Variants in ZNF778 observed in about 807,000 individuals in gnomAD.
ZNF778 encodes zinc finger protein 778.
A neutral mutation model predicts 23.9 loss-of-function variants in ZNF778; 37 were observed. The ratio of observed to expected loss-of-function variants is 1.54; its 90% CI spans 1.19 to 2.03. The LOEUF (loss-of-function observed/expected upper bound fraction) is 2.03, where lower values mean the gene tolerates loss of function less well. Among genes scored for constraint, ZNF778 ranks in the 30% most tolerant of loss-of-function variants. ZNF778 has a pLI of 0.00. For missense variants in ZNF778, 1,297 were observed against 934.4 expected (o/e 1.39, Z -5.06); for synonymous variants, 483 against 343.9 (o/e 1.40, Z -4.48).
rs2031990346 is a variant in ZNF778, at chr16:89,232,736, T to C, written c.*4174T>C. ...CAGGCTAGATCATTCCTAAAGATGG[T>C]AAACAACTTGCTGGAAACATGCACT... On this transcript the variant is annotated 3_prime_UTR_variant, in exon 7 of 7. Transcript: ENST00000433976. The C allele has an allele frequency of 3.9e-6, 5 of 1,282,348 alleles. No homozygotes were observed. Among genetic ancestry groups the C allele is most frequent in the Admixed American group, 4.6e-5 (2 of 43,450 alleles). The allele number at this position is 1,282,348 out of a possible 1,614,324, so 79.4% of individuals were successfully genotyped here. A position where few individuals can be genotyped will look rare whatever the true frequency, so the allele number is the denominator to read the frequency against.
At chr16:89,224,239 C>T (rs1181622412) in intron 4 of ZNF778, among the ~76,000 whole-genome samples, 2 of 151,888 alleles carry the variant, frequency 1.3e-5, no homozygotes, top group Non-Finnish European at 2.9e-5. Context: ...GTAATCCCAG[C>T]ACTCTGGGAT....
chr16:89,225,680 T>A, intron 6 of ZNF778, 49 bp downstream of exon 6: 1 of 1,516,448 alleles, frequency 6.6e-7, no homozygotes. Context: ...CATAAAAGAT[T>A]GGGAATTCCA....
At position 89,233,951 on chromosome 16, in the gene ZNF778, TG is replaced by T; in HGVS notation, c.*5391del. On this transcript the variant is annotated 3_prime_UTR_variant, in exon 7 of 7. Coordinates refer to ENST00000433976, the MANE Select transcript of ZNF778 (RefSeq NM_001201407.2). ...ACATGCTGTATGCCCTTGGGCCTGC[TG>T]GAAGTATGCAGACTAGCCAGCCCCA... 1.3e-5 allele frequency: 17 copies of T among 1,282,262 alleles called. No individual in the cohort carries two copies. Among genetic ancestry groups the T allele is most frequent in the Non-Finnish European group, 1.6e-5 (16 of 982,382 alleles). The allele number at this position is 1,282,262 out of a possible 1,614,324, so 79.4% of individuals were successfully genotyped here. A position where few individuals can be genotyped will look rare whatever the true frequency, so the allele number is the denominator to read the frequency against.
At position 89,227,841 on chromosome 16, in the gene ZNF778, C is replaced by T; in HGVS notation, c.1553C>T (p.Ser518Leu). 1 of 1,614,022 alleles carries T rather than the reference C, an allele frequency of 6.2e-7. No homozygotes were observed. The highest frequency in any genetic ancestry group is 8.5e-7 in the Non-Finnish European group (1 of 1,179,982). The stretch of plus-strand genomic sequence containing the variant: ...TGTGGCAAAGCCTTCACAGGGCGCT[C>T]AGGCCTCACTAAACACATGCGGACA... ...KQCGKAFTGR[S>L]GLTKHMRTHT... The change falls in exon 7 of 7, where the codon TCA becomes TTA. Residue 518 changes from serine (S) to leucine (L), a missense_variant. Coordinates refer to ENST00000433976, the MANE Select transcript of ZNF778 (RefSeq NM_001201407.2).
At position 89,232,089 on chromosome 16, in the gene ZNF778, T is replaced by C. The variant is rs1410065902; in HGVS notation, c.*3527T>C. 1.3e-5 allele frequency: 2 copies of C among 157,934 alleles called. No homozygotes were observed. The highest frequency in any genetic ancestry group is 4.8e-5 in the African/African-American group (2 of 41,446). The allele number at this position is 157,934 out of a possible 1,614,324, so 9.8% of individuals were successfully genotyped here. On this transcript the variant is annotated 3_prime_UTR_variant, in exon 7 of 7. Transcript: ENST00000433976. ...CCTCATCAAGTCTCATGTTGAGCTT[T>C]GACCCTCAGTGTGGCAGTGCTGGGA...
rs894888448 is a variant in ZNF778 at position 89,229,467 on chromosome 16, G to A, written c.*905G>A. 1.0e-6 allele frequency: 1 copy of A among 980,404 alleles called. No individual in the cohort carries two copies. The highest frequency in any genetic ancestry group is 1.2e-6 in the Non-Finnish European group (1 of 827,988). The allele number at this position is 980,404 out of a possible 1,614,324, so 60.7% of individuals were successfully genotyped here. On this transcript the variant is annotated 3_prime_UTR_variant, in exon 7 of 7. Transcript: ENST00000433976. ...TGAGGATGCAGATGTGATTCTGTGT[G>A]AGCAGCGTAGGCTCTGGTTGGTTAG...
chr16:89,220,024 A>G (rs542732152), intron 1 of ZNF778, among the ~76,000 whole-genome samples: 6 of 152,338 alleles, frequency 3.9e-5, no homozygotes, highest in African/African-American at 1.4e-4. Context: ...ACTGTATCCA[A>G]CCAGCCTCAT....
chr16:89,236,168 C>G lies in ZNF778; in HGVS notation c.*7606C>G, dbSNP rs2032231205. ...CTCCAGCCTGGGCAACAGAGCGAGA[C>G]TCTGTCTCAAAAAAGAAGAAAGAAA... On this transcript the variant is annotated 3_prime_UTR_variant, in exon 7 of 7. Transcript: ENST00000433976. 6.6e-6 allele frequency: 1 copy of G among 152,170 alleles called. No individual in the cohort carries two copies. The highest frequency in any genetic ancestry group is 1.5e-5 in the Non-Finnish European group (1 of 68,168). The allele number at this position is 152,170 out of a possible 1,614,324, so 9.4% of individuals were successfully genotyped here. A position where few individuals can be genotyped will look rare whatever the true frequency, so the allele number is the denominator to read the frequency against.
chr16:89,228,344 T>C lies in ZNF778; in HGVS notation c.2056T>C (p.Ser686Pro). Residue 686 changes from serine to proline, a missense_variant, in exon 7 of 7, where the codon TCT becomes CCT. Coordinates refer to ENST00000433976, the MANE Select transcript of ZNF778 (RefSeq NM_001201407.2). The stretch of plus-strand genomic sequence containing the variant: ...GTGTGGGAAAGCCTTCCGTGCCTCC[T>C]CTCACCTGCATAAACATGGAAGAAT... Reference protein sequence around the residue: ...NECGKAFRASSHLHKHGRIHT... With the variant: ...NECGKAFRASPHLHKHGRIHT... 1 of 1,613,712 alleles carries C rather than the reference T, an allele frequency of 6.2e-7. No individual in the cohort carries two copies. The highest frequency in any genetic ancestry group is 8.5e-7 in the Non-Finnish European group (1 of 1,179,726).
At chr16:89,225,484 C>A in intron 5 of ZNF778, 71 bp from the exon 6 acceptor site, 3 of 1,199,632 alleles carry the variant, frequency 2.5e-6, no homozygotes, top group Non-Finnish European at 3.5e-6. Flanking sequence ...GTTTTTTTTT[C>A]TGCCATGTCT....
rs2032205243 is a variant in ZNF778 at position 89,235,310 on chromosome 16, ACT to A, written c.*6749_*6750del. On this transcript the variant is annotated 3_prime_UTR_variant, in exon 7 of 7. Coordinates refer to ENST00000433976, the MANE Select transcript of ZNF778 (RefSeq NM_001201407.2). ...ACGAGTGGGAAACAGGTGTCCTAAC[ACT>A]GTGAGAGAAAAAATCCGAAAGTTTA... is the stretch of plus-strand genomic sequence containing the variant. 1 of 152,148 alleles carries A rather than the reference ACT, an allele frequency of 6.6e-6. No individual in the cohort carries two copies. The highest frequency in any genetic ancestry group is 2.1e-4 in the South Asian group (1 of 4,814). The allele number at this position is 152,148 out of a possible 1,614,324, so 9.4% of individuals were successfully genotyped here. A position where few individuals can be genotyped will look rare whatever the true frequency, so the allele number is the denominator to read the frequency against.
rs1259356947 is a variant in ZNF778, at chr16:89,228,285, C to G, written c.1997C>G (p.Thr666Ser). 6.2e-7 allele frequency: 1 copy of G among 1,605,504 alleles called. No homozygotes were observed. Among genetic ancestry groups the G allele is most frequent in the Non-Finnish European group, 8.5e-7 (1 of 1,173,256 alleles). Residue 666 changes from threonine to serine, a missense_variant, in exon 7 of 7, where the codon ACT (threonine) becomes AGT (serine). By Grantham distance (58) the Thr-to-Ser change is moderately conservative. Transcript: ENST00000433976. ...SSSHLIEHRR[T>S]HTGEKPYICN... ...TCACACCTTATCGAACACAGAAGGA[C>G]TCACACAGGAGAGAAACCTTACATA...
At position 89,228,457 on chromosome 16, in the gene ZNF778, C is replaced by G. The variant is rs201425656; in HGVS notation, c.2169C>G (p.Tyr723Ter). Reference protein sequence around the residue: ...FYLLKEHLKTYTEEQVFVCKD... With the variant: ...FYLLKEHLKT ...TACTAAAAGAACATTTAAAAACTTA[C>G]ACTGAAGAGCAGGTTTTTGTATGTA... The change falls in exon 7 of 7, where the codon TAC becomes TAG. Residue 723 changes from tyrosine (Y) to a stop codon, truncating the protein, a stop_gained. Transcript: ENST00000433976. LOFTEE classifies it low-confidence loss of function (END_TRUNC). The G allele has an allele frequency of 3.6e-5, 58 of 1,613,748 alleles. No individual in the cohort carries two copies. Among genetic ancestry groups the G allele is most frequent in the Non-Finnish European group, 4.6e-5 (54 of 1,179,848 alleles).
At position 89,230,311 on chromosome 16, in the gene ZNF778, AATT is replaced by A. The variant is rs1284018116; in HGVS notation, c.*1750_*1752del. On this transcript the variant is annotated 3_prime_UTR_variant, in exon 7 of 7. Transcript: ENST00000433976. ...ACCACCCCCCACGTGGGGAGGAGGG[AATT>A]CCTGTACCTTAGGCAGTGCCGGACG... The A allele has an allele frequency of 1.3e-5, 2 of 155,206 alleles. No homozygotes were observed. Among genetic ancestry groups the A allele is most frequent in the Admixed American group, 6.6e-5 (1 of 15,262 alleles). 9.6% of individuals were successfully genotyped at this position (155,206 alleles called of 1,614,324 possible).
At position 89,235,565 on chromosome 16, in the gene ZNF778, T is replaced by G. The variant is rs570907002; in HGVS notation, c.*7003T>G. Reference sequence around the variant, plus strand: ...CCTGAACCTGACTAGGTTACTCGCCTGATGAACCAGTATCTCCATCACCCG... The same window carrying G: ...CCTGAACCTGACTAGGTTACTCGCCGGATGAACCAGTATCTCCATCACCCG... On this transcript the variant is annotated 3_prime_UTR_variant, in exon 7 of 7. Coordinates refer to ENST00000433976, the MANE Select transcript of ZNF778 (RefSeq NM_001201407.2). 7 of 152,336 alleles carry G rather than the reference T, an allele frequency of 4.6e-5. No homozygotes were observed. Among genetic ancestry groups the G allele is most frequent in the African/African-American group, 1.7e-4 (7 of 41,574 alleles). The allele number at this position is 152,336 out of a possible 1,614,324, so 9.4% of individuals were successfully genotyped here. A position where few individuals can be genotyped will look rare whatever the true frequency, so the allele number is the denominator to read the frequency against.
intron 1 of ZNF778, among the ~76,000 whole-genome samples, chr16:89,218,992 A>G (rs567516566): frequency 1.3e-5 from 2 of 151,980 alleles, no homozygotes; most frequent in Non-Finnish European, 2.9e-5. Context: ...CTGTAATCCC[A>G]GCTAGTCGGG....
At chr16:89,222,246 C>T (rs1567497998) in intron 3 of ZNF778, 63 bp downstream of exon 3, 2 of 1,348,840 alleles carry the variant, frequency 1.5e-6, no homozygotes, top group Non-Finnish European at 2.1e-6. Flanking sequence ...AGACAAGTTT[C>T]TGTCTGAGCA....
intron 6 of ZNF778, 106 bp downstream of exon 6, chr16:89,225,737 A>C (rs2031419811): frequency 9.6e-7 from 1 of 1,042,898 alleles, no homozygotes; most frequent in Non-Finnish European, 1.4e-6. Context: ...AGCAGGATTC[A>C]CTCAGGCAGG....
At chr16:89,217,934 C>G (rs999645640) in intron 1 of ZNF778, 24 bp downstream of exon 1, 3 of 152,328 alleles carry the variant, frequency 2.0e-5, no homozygotes, top group African/African-American at 7.2e-5. Flanking sequence ...CCTTTGCTTC[C>G]TTCACTTTGA....
Sources: allele counts gnomAD v4.1 joint callset (sites outside exome capture counted in the v4.1 genomes callset), GRCh38; gene constraint gnomAD v4.1.1; transcripts MANE v1.5; gene names NCBI Gene and HGNC (gene_info 2026-07-23, HGNC 2026-07-21).